PHF2: variants seen among roughly 807,000 people sequenced by gnomAD.
The protein encoded by PHF2 is PHD finger protein 2, also known as lysine-specific demethylase PHF2.
PHF2 carries 27 observed loss-of-function variants against 120.5 expected under a neutral mutation model. The observed-to-expected ratio is 0.22, with a 90% CI of 0.17 to 0.31. The LOEUF (loss-of-function observed/expected upper bound fraction) is 0.31. Ranked by LOEUF, PHF2 falls within the 10% of genes least tolerant of loss-of-function variation. PHF2 has a pLI of 1.00. For missense variants in PHF2, 1,024 were observed against 1,434.8 expected, an observed-to-expected ratio of 0.71 and a Z score of 4.63; for synonymous variants, 568 against 592.5, an observed-to-expected ratio of 0.96 and a Z score of 0.60.
intron 1 of PHF2, among the ~76,000 whole-genome samples, chr9:93,601,511 C>T (rs527837277): frequency 1.3e-5 from 2 of 152,156 alleles, no homozygotes; most frequent in African/African-American, 4.8e-5. Flanking sequence ...AGGAATTAGC[C>T]AGTGGTGGAC....
At chr9:93,591,694 C>G (rs778133279) in intron 1 of PHF2, among the ~76,000 whole-genome samples, 1 of 152,196 alleles carries the variant, frequency 6.6e-6, no homozygotes, top group Non-Finnish European at 1.5e-5. Context: ...GTGGGGTGTC[C>G]TGGCCTACAT....
At chr9:93,652,632 G>A (rs1196964042) in intron 5 of PHF2, among the ~76,000 whole-genome samples, 3 of 152,156 alleles carry the variant, frequency 2.0e-5, no homozygotes, top group African/African-American at 7.2e-5. Context: ...TTTTATCCAG[G>A]ACAGTGACAT....
chr9:93,577,959 A>G (rs1218534358), intron 1 of PHF2, among the ~76,000 whole-genome samples: 5 of 152,134 alleles, frequency 3.3e-5, no homozygotes, highest in Admixed American at 3.3e-4. Flanking sequence ...CCAGTCCCAA[A>G]CCACCGGCAG....
chr9:93,592,314 C>G (rs1282966675), intron 1 of PHF2, among the ~76,000 whole-genome samples: 1 of 152,172 alleles, frequency 6.6e-6, no homozygotes, highest in Admixed American at 6.5e-5. Context: ...TGATCCCAGG[C>G]AGACACAACA....
At chr9:93,671,164 G>C (rs565239285) in intron 17 of PHF2, 2 of 983,204 alleles carry the variant, frequency 2.0e-6, no homozygotes, top group East Asian at 2.3e-4. Flanking sequence ...ATGTAGGTGT[G>C]GGAGTAGGTA....
chr9:93,663,991 G>A (rs1484133984), intron 14 of PHF2, among the ~76,000 whole-genome samples: 3 of 152,230 alleles, frequency 2.0e-5, no homozygotes, highest in Non-Finnish European at 4.4e-5. Context: ...TGGGTGTGAG[G>A]AAGCAGACAT....
At chr9:93,591,579 C>T (rs931158932) in intron 1 of PHF2, among the ~76,000 whole-genome samples, 1 of 152,182 alleles carries the variant, frequency 6.6e-6, no homozygotes, top group African/African-American at 2.4e-5. Flanking sequence ...CTCCCTTGAC[C>T]TATTCTTTCC....
At chr9:93,667,817 G>T (rs1167478933) in intron 17 of PHF2, among the ~76,000 whole-genome samples, 8 of 152,142 alleles carry the variant, frequency 5.3e-5, no homozygotes, top group Admixed American at 5.2e-4. Context: ...GTTGACTAAT[G>T]CTGGGCAGTG....
At chr9:93,618,132 C>A (rs1243186167) in intron 1 of PHF2, among the ~76,000 whole-genome samples, 1 of 152,250 alleles carries the variant, frequency 6.6e-6, no homozygotes, top group Admixed American at 6.5e-5. Context: ...CTTTAAACTT[C>A]TTTGGAGTTG....
intron 1 of PHF2, among the ~76,000 whole-genome samples, chr9:93,604,692 C>T (rs1825507576): frequency 2.0e-5 from 3 of 152,138 alleles, no homozygotes; most frequent in Admixed American, 2.0e-4. Context: ...CCTCGATCTC[C>T]TGACCTTGTG....
intron 4 of PHF2, 33 bp from the exon 5 acceptor site, chr9:93,649,038 A>G: frequency 1.3e-6 from 2 of 1,549,450 alleles, no homozygotes; most frequent in South Asian, 2.4e-5. Context: ...CCGCCTTCCC[A>G]GGGTGCTCAA....
In PHF2 at chr9:93,673,814, G is replaced by A. The variant is rs755339922; in HGVS notation, c.2578G>A (p.Glu860Lys). The A allele has an allele frequency of 3.7e-6, 6 of 1,610,374 alleles. No individual in the cohort carries two copies. Among genetic ancestry groups the A allele is most frequent in the East Asian group, 2.2e-5 (1 of 44,780 alleles). ...AKNSVDLDDY[E>K]EEQDHLDACF... ...GAACAGTGTCGACCTGGACGACTAC[G>A]AGGAAGAGCAGGACCACCTGGATGC... The change falls in exon 18 of 22, where the codon GAG becomes AAG. Residue 860 changes from glutamate to lysine, a missense_variant. Physicochemically the swap from Glu to Lys is moderately conservative, Grantham distance 56. Around this residue, in one of 2 missense-constraint regions of PHF2, gnomAD observed 677 missense variants for 857.4 expected, o/e 0.79. Coordinates refer to ENST00000359246, the MANE Select transcript of PHF2 (RefSeq NM_005392.4).
intron 10 of PHF2, among the ~76,000 whole-genome samples, chr9:93,658,630 G>A (rs560659610): frequency 6.6e-6 from 1 of 152,188 alleles, no homozygotes; most frequent in South Asian, 2.1e-4. Flanking sequence ...GCACAGAAAG[G>A]CCTGGAACCT....
At chr9:93,649,788 T>C (rs1477591706) in intron 5 of PHF2, among the ~76,000 whole-genome samples, 3 of 151,982 alleles carry the variant, frequency 2.0e-5, no homozygotes, top group Non-Finnish European at 4.4e-5. Flanking sequence ...TGCTCACCCA[T>C]AGATATGTCA....
At chr9:93,651,814 C>T (rs1826374452) in intron 5 of PHF2, among the ~76,000 whole-genome samples, 1 of 152,106 alleles carries the variant, frequency 6.6e-6, no homozygotes, top group African/African-American at 2.4e-5. Flanking sequence ...GAAAGAAGGA[C>T]GTTTGAGGGT....
rs545484440 is a variant in PHF2 at position 93,652,280 on chromosome 9, T to G, written c.603-899T>G. On this transcript the variant is annotated intron_variant, in intron 5 of 21. Coordinates refer to ENST00000359246, the MANE Select transcript of PHF2 (RefSeq NM_005392.4). ...CTGAAATGTCACTGCACGGGTGCTG[T>G]TGAGCTTGACTTTTTTTTTTTTTTT... Among the ~76,000 whole-genome samples, 9 of 149,370 alleles carry G rather than the reference T, an allele frequency of 6.0e-5. No homozygotes were observed. In the East Asian group the frequency reaches 1.8e-3, roughly 29 times the overall value.
intron 5 of PHF2, among the ~76,000 whole-genome samples, chr9:93,650,006 C>T (rs1826337521): frequency 6.7e-6 from 1 of 149,954 alleles, no homozygotes; most frequent in Non-Finnish European, 1.5e-5. Flanking sequence ...GTGGTACACT[C>T]ACACTCACGG....
intron 2 of PHF2, among the ~76,000 whole-genome samples, chr9:93,634,154 T>C (rs57326662): frequency 0.047 from 7,155 of 152,146 alleles, 299 homozygotes; most frequent in East Asian, 0.23. Context: ...GGAGTAGATA[T>C]AACTGCCTCC....
At chr9:93,586,149 C>G (rs1229180426) in intron 1 of PHF2, among the ~76,000 whole-genome samples, 3 of 152,234 alleles carry the variant, frequency 2.0e-5, no homozygotes, top group African/African-American at 7.2e-5. Context: ...GGAGGGCTCA[C>G]TGAACCCGGG....
Sources: gnomAD v4.1 joint callset for allele counts (sites outside exome capture counted in the v4.1 genomes callset) on GRCh38, gnomAD v4.1.1 for gene constraint, gnomAD v4.1.1 regional missense constraint, MANE v1.5 for transcripts, NCBI Gene and HGNC (gene_info 2026-07-23, HGNC 2026-07-21) for gene names.